Variants in PIGT observed in about 807,000 individuals in gnomAD.
PIGT encodes phosphatidylinositol glycan anchor biosynthesis class T.
PIGT carries 57 observed loss-of-function variants against 66.7 expected under a neutral mutation model. That is an observed-to-expected ratio of 0.86 (90% CI 0.69 to 1.07). The LOEUF (loss-of-function observed/expected upper bound fraction) is 1.07. Ranked by LOEUF, PIGT falls within the 50% of genes least tolerant of loss-of-function variation. The pLI is 0.00. For missense variants in PIGT, 725 were observed against 740.4 expected (o/e 0.98, Z 0.24); for synonymous variants, 362 against 320.5 (o/e 1.13, Z -1.38).
In PIGT at chr20:45,424,344, G is replaced by C. The variant is rs577271638; in HGVS notation, c.1363G>C (p.Glu455Gln). 2 of 1,614,174 alleles carry C rather than the reference G, an allele frequency of 1.2e-6. No individual in the cohort carries two copies. The highest frequency in any genetic ancestry group is 2.2e-5 in the East Asian group (1 of 44,888). Residue 455 changes from glutamate (E) to glutamine (Q), a missense_variant, in exon 10 of 12, where the codon GAG becomes CAG. Physicochemically the swap from Glu to Gln is conservative, Grantham distance 29. Coordinates refer to ENST00000279036, the MANE Select transcript of PIGT (RefSeq NM_015937.6). ...QFERALLKWT[E>Q]YTPDPNHGFY... ...TGAGCGGGCGCTGCTGAAGTGGACC[G>C]AGTACACGCCAGATCCTAACCATGG... is the stretch of plus-strand genomic sequence containing the variant.
chr20:45,425,710 G>A lies in PIGT; in HGVS notation c.1621G>A (p.Gly541Ser), dbSNP rs751797151. ...GTGCACTGTGGTGGCCGTGTGCTAT[G>A]GCTCCTTCTACAATCTCCTCACCCG... ...LTCTVVAVCY[G>S]SFYNLLTRTF... Residue 541 changes from glycine to serine, a missense_variant, in exon 12 of 12, where the codon GGC (glycine) becomes AGC (serine). Physicochemically the swap from Gly to Ser is moderately conservative, Grantham distance 56. This residue lies in a region of PIGT where 162 missense variants were observed against 171.1 expected (regional missense o/e 0.95). Transcript: ENST00000279036. 6.2e-6 allele frequency: 10 copies of A among 1,613,948 alleles called. No homozygotes were observed. The Admixed American group carries it at 1.0e-4, about 16-fold the overall frequency.
intron 2 of PIGT, chr20:45,417,301 C>T (rs1990045754): frequency 6.6e-6 from 1 of 152,108 alleles, no homozygotes; most frequent in South Asian, 2.1e-4. Context: ...TCTCATTTTC[C>T]TCTTAATCCC....
Position 45,419,501 on chromosome 20 carries a change from C to T in PIGT, c.595-3C>T. 8 of 1,614,174 alleles carry T rather than the reference C, an allele frequency of 5.0e-6. No individual in the cohort carries two copies. The highest frequency in any genetic ancestry group is 6.8e-6 in the Non-Finnish European group (8 of 1,179,992). On this transcript the variant is annotated splice_region_variant and splice_polypyrimidine_tract_variant and intron_variant, in intron 4 of 11. Transcript: ENST00000279036. ...TTCTCTTATCTCTTTCCATCTCCTCCAGGCAGGCCTCTCTGTGCTGCTGAA... is the reference window on the plus strand; with the variant it reads ...TTCTCTTATCTCTTTCCATCTCCTCTAGGCAGGCCTCTCTGTGCTGCTGAA...
rs1263646995 is a variant in PIGT at position 45,416,292 on chromosome 20, G to T, written c.136G>T (p.Ala46Ser). The T allele has an allele frequency of 1.9e-6, 3 of 1,598,990 alleles. No homozygotes were observed. Among genetic ancestry groups the T allele is most frequent in the Non-Finnish European group, 2.6e-6 (3 of 1,172,868 alleles). Residue 46 changes from alanine (A) to serine (S), a missense_variant, in exon 1 of 12, where the codon GCC (alanine) becomes TCC (serine). Ala to Ser is a moderately conservative substitution (Grantham distance 99). This residue lies in a region of PIGT where 559 missense variants were observed against 552.7 expected (regional missense o/e 1.01). Transcript: ENST00000279036. ...ITPLPSGDVA[A>S]TFQFRTRWDS... The stretch of plus-strand genomic sequence containing the variant: ...CCCGCTGCCTTCCGGGGACGTAGCC[G>T]CCACATTCCAGTTCCGCACGCGCTG...
chr20:45,416,193 T>C lies in PIGT; in HGVS notation c.37T>C (p.Leu13=), dbSNP rs754969410. The change falls in exon 1 of 12, where the codon TTG becomes CTG. Residue 13 remains leucine, a synonymous_variant. Coordinates refer to ENST00000279036, the MANE Select transcript of PIGT (RefSeq NM_015937.6). ...AAMPLALLVL[L]LLGPGGWCLA... ...TATGCCGCTTGCTCTGCTCGTCCTG[T>C]TGCTCCTGGGGCCCGGCGGCTGGTG... The C allele has an allele frequency of 1.3e-6, 2 of 1,588,856 alleles. No individual in the cohort carries two copies. The highest frequency in any genetic ancestry group is 2.3e-5 in the East Asian group (1 of 43,220).
At position 45,420,125 on chromosome 20, in the gene PIGT, C is replaced by T. The variant is rs755484576; in HGVS notation, c.682-11C>T. The stretch of plus-strand genomic sequence containing the variant: ...TACCCCCTCACTGCTGCCATCTGGC[C>T]CTTGTGATAGAATGCACGCTGTACT... On this transcript the variant is annotated splice_polypyrimidine_tract_variant and intron_variant, in intron 5 of 11. Transcript: ENST00000279036. 4 of 1,604,064 alleles carry T rather than the reference C, an allele frequency of 2.5e-6. No individual in the cohort carries two copies. In the Admixed American group the frequency reaches 6.7e-5, roughly 27 times the overall value.
intron 4 of PIGT, 30 bp downstream of exon 4, chr20:45,419,425 C>CA (rs1555876832): frequency 9.4e-6 from 15 of 1,602,614 alleles, no homozygotes; most frequent in Middle Eastern, 1.7e-4. Flanking sequence ...CAGCCGGGGG[C>CA]GGGGGGTGTA....
Position 45,425,669 on chromosome 20 carries a change from A to G in PIGT, c.1580A>G (p.Asn527Ser), listed in dbSNP as rs1232400537. 6.2e-7 allele frequency: 1 copy of G among 1,614,046 alleles called. No individual in the cohort carries two copies. Among genetic ancestry groups the G allele is most frequent in the East Asian group, 2.2e-5 (1 of 44,858 alleles). ...ACACCGGACTTCAGCATGCCCTACA[A>G]CGTGATCTGCCTCACGTGCACTGTG... ...LPTPDFSMPYNVICLTCTVVA... is the reference protein window; with the variant it reads ...LPTPDFSMPYSVICLTCTVVA... Residue 527 changes from asparagine to serine, a missense_variant, in exon 12 of 12, where the codon AAC becomes AGC. This residue lies in a region of PIGT where 162 missense variants were observed against 171.1 expected (regional missense o/e 0.95). Coordinates refer to ENST00000279036, the MANE Select transcript of PIGT (RefSeq NM_015937.6).
intron 5 of PIGT, 107 bp from the exon 6 acceptor site, chr20:45,420,029 G>A: frequency 2.5e-6 from 2 of 788,970 alleles, no homozygotes; most frequent in Non-Finnish European, 4.2e-6. Context: ...CAAATCGATG[G>A]ATGTGAAGAT....
In PIGT at chr20:45,416,560, C is replaced by T. The variant is rs1202688236; in HGVS notation, c.231C>T (p.Ile77=). The change falls in exon 2 of 12, where the codon ATC becomes ATT. Residue 77 remains isoleucine (I), a synonymous_variant. Transcript: ENST00000279036. ...RLFPKALGQL[I]SKYSLRELHL... is the part of the protein sequence containing the mutation. ...TTCCCAAAGCCCTGGGGCAGCTGAT[C>T]TCCAAGTATTCTCTACGGGAGCTGC... The T allele has an allele frequency of 6.2e-7, 1 of 1,614,210 alleles. No individual in the cohort carries two copies. The highest frequency in any genetic ancestry group is 8.5e-7 in the Non-Finnish European group (1 of 1,180,014).
intron 2 of PIGT, 145 bp downstream of exon 2, chr20:45,416,839 G>T: frequency 1.5e-6 from 1 of 687,352 alleles, no homozygotes; most frequent in East Asian, 3.0e-5. Context: ...AGTAAGAAAT[G>T]TTACCACAGA....
At position 45,418,894 on chromosome 20, in the gene PIGT, G is replaced by GAT; in HGVS notation, c.409_410dup (p.Phe138SerfsTer69). On this transcript the variant is annotated frameshift_variant, in exon 3 of 12. Coordinates refer to ENST00000279036, the MANE Select transcript of PIGT (RefSeq NM_015937.6). LOFTEE classifies it high-confidence loss of function. ...AGGAGCTCAGTAATGTCCTCTCAGG[G>GAT]ATCTTCTGCGCCTCTCTCAACTTCA... 1 of 1,613,914 alleles carries GAT rather than the reference G, an allele frequency of 6.2e-7. No homozygotes were observed.
chr20:45,417,809 C>T (rs572528530), intron 2 of PIGT: 1 of 152,138 alleles, frequency 6.6e-6, no homozygotes, highest in East Asian at 1.9e-4. Flanking sequence ...TTATTTGAGG[C>T]TTAAGGATTG....
chr20:45,423,447 G>A (rs949042167), intron 9 of PIGT: 2 of 151,496 alleles, frequency 1.3e-5, no homozygotes, highest in African/African-American at 4.9e-5. Flanking sequence ...CAAGGCTATA[G>A]TGAGCCATGA....
intron 10 of PIGT, 29 bp downstream of exon 10, chr20:45,424,410 C>T (rs1312501569): frequency 6.2e-7 from 1 of 1,613,872 alleles, no homozygotes; most frequent in Admixed American, 1.7e-5. Flanking sequence ...GGCCACCTCT[C>T]ATCCCCCTGA....
rs925690306 is a variant in PIGT, at chr20:45,423,914, ACTT to A, written c.1235-295_1235-293del. The A allele has an allele frequency of 4.8e-5, 18 of 373,902 alleles. 1 individual carries two copies. Among genetic ancestry groups the A allele is most frequent in the Middle Eastern group, 1.5e-3 (2 of 1,304 alleles). 23.2% of individuals were successfully genotyped at this position (373,902 alleles called of 1,614,324 possible). On this transcript the variant is annotated intron_variant, in intron 9 of 11. Transcript: ENST00000279036. ...GAAAAATTCCCAGGTGGTTCTGTGA[ACTT>A]CTTCTTGCGTCACATCAGGCACTTG...
rs376361921 is a variant in PIGT at position 45,419,167 on chromosome 20, T to A, written c.494-128T>A. 173 of 1,055,170 alleles carry A rather than the reference T, an allele frequency of 1.6e-4. No individual in the cohort carries two copies. The African/African-American group carries it at 2.5e-3, about 15-fold the overall frequency. 65.4% of individuals were successfully genotyped at this position (1,055,170 alleles called of 1,614,324 possible). On this transcript the variant is annotated intron_variant, in intron 3 of 11. Transcript: ENST00000279036. Reference sequence around the variant, plus strand: ...GGAGAGAAGGGAGTCCTACTCCCAGTTGGGACTGTCCAGACTGTGGTGCTA... The same window carrying A: ...GGAGAGAAGGGAGTCCTACTCCCAGATGGGACTGTCCAGACTGTGGTGCTA...
chr20:45,419,063 C>T (rs1990170463), intron 3 of PIGT, 84 bp downstream of exon 3: 9 of 1,561,984 alleles, frequency 5.8e-6, no homozygotes, highest in Admixed American at 1.7e-5. Context: ...TTTCCTGCTT[C>T]CTCAGCCTGG....
chr20:45,421,823 A>G (rs1444961161), intron 9 of PIGT: 1 of 497,298 alleles, frequency 2.0e-6, no homozygotes, highest in Non-Finnish European at 3.6e-6. Context: ...ATAGGACTGT[A>G]CAAGGACAGT....
Sources: gnomAD v4.1 joint callset for allele counts on GRCh38, gnomAD v4.1.1 for gene constraint, gnomAD v4.1.1 regional missense constraint, MANE v1.5 for transcripts, NCBI Gene and HGNC (gene_info 2026-07-23, HGNC 2026-07-21) for gene names.